RALYL: variants seen among roughly 807,000 people sequenced by gnomAD.
RALYL encodes RNA-binding Raly-like protein.
Under a neutral mutation model 35.1 loss-of-function variants are expected in RALYL, and 29 were observed. The observed-to-expected ratio is 0.83, with a 90% CI of 0.61 to 1.13. The LOEUF is 1.13. Ranked by LOEUF, RALYL falls within the 50% of genes most tolerant of loss-of-function variation. The pLI is 0.00. For synonymous variants in RALYL, 120 were observed against 127.6 expected, an observed-to-expected ratio of 0.94 and a Z score of 0.40; for missense variants, 359 against 360.4, an observed-to-expected ratio of 1.00 and a Z score of 0.03.
intron 1 of RALYL, among the ~76,000 whole-genome samples, chr8:84,386,362 C>T (rs1385694646): frequency 6.6e-6 from 1 of 151,764 alleles, no homozygotes; most frequent in East Asian, 2.0e-4. Flanking sequence ...GTTTAATTTA[C>T]TTGTTACATA....
At chr8:84,571,727 CT>C (rs1203372374) in intron 2 of RALYL, among the ~76,000 whole-genome samples, 5 of 151,536 alleles carry the variant, frequency 3.3e-5, no homozygotes. Context: ...AGATCTTTCT[CT>C]TTTTTATGTA....
At chr8:84,324,704 T>G (rs1845493828) in intron 1 of RALYL, among the ~76,000 whole-genome samples, 1 of 151,950 alleles carries the variant, frequency 6.6e-6, no homozygotes, top group Non-Finnish European at 1.5e-5. Context: ...GAATTATTAC[T>G]GCTTCCCAAA....
intron 1 of RALYL, among the ~76,000 whole-genome samples, chr8:84,218,442 A>G (rs183967795): frequency 1.3e-5 from 2 of 152,192 alleles, no homozygotes; most frequent in East Asian, 3.9e-4. Flanking sequence ...CATGCCTTCA[A>G]TTGCAAAATA....
chr8:84,524,124 T>A (rs1016901368), intron 1 of RALYL, among the ~76,000 whole-genome samples: 1 of 152,112 alleles, frequency 6.6e-6, no homozygotes, highest in Non-Finnish European at 1.5e-5. Context: ...TAGTTTACAG[T>A]CCCACCAACA....
intron 1 of RALYL, among the ~76,000 whole-genome samples, chr8:84,265,657 T>C (rs1833153820): frequency 6.8e-6 from 1 of 146,772 alleles, no homozygotes; most frequent in African/African-American, 2.4e-5. Flanking sequence ...TATACAGAAC[T>C]GTAAAATAAA....
intron 1 of RALYL, among the ~76,000 whole-genome samples, chr8:84,255,977 A>G (rs1462870621): frequency 6.6e-6 from 1 of 152,160 alleles, no homozygotes; most frequent in Non-Finnish European, 1.5e-5. Context: ...ATTTAAAAAT[A>G]TTTTGAAAGG....
chr8:84,424,108 T>C (rs973985506), intron 1 of RALYL, among the ~76,000 whole-genome samples: 32 of 152,070 alleles, frequency 2.1e-4, no homozygotes, highest in African/African-American at 7.0e-4. Flanking sequence ...CCTTGCTAGA[T>C]TGGGGAAGTT....
At chr8:84,679,413 A>G (rs1316211380) in intron 2 of RALYL, 1 of 281,622 alleles carries the variant, frequency 3.6e-6, no homozygotes, top group Non-Finnish European at 7.1e-6. Flanking sequence ...GGAGCCTCCC[A>G]AGAGTGTGCT....
At chr8:84,473,792 T>G (rs1261359455) in intron 1 of RALYL, among the ~76,000 whole-genome samples, 1 of 151,880 alleles carries the variant, frequency 6.6e-6, no homozygotes, top group Non-Finnish European at 1.5e-5. Context: ...AATAAATTAT[T>G]AATATGTTCT....
intron 1 of RALYL, among the ~76,000 whole-genome samples, chr8:84,387,524 G>A (rs1001630565): frequency 2.6e-5 from 4 of 151,884 alleles, no homozygotes; most frequent in Non-Finnish European, 4.4e-5. Context: ...CCTGCCTCCA[G>A]CTCTGCATTG....
At chr8:84,310,891 C>A (rs1563711799) in intron 1 of RALYL, among the ~76,000 whole-genome samples, 1 of 143,782 alleles carries the variant, frequency 7.0e-6, no homozygotes, top group East Asian at 2.0e-4. Context: ...ACTAAAAATA[C>A]AAAAAATTAG....
chr8:84,209,103 C>T (rs1818774074), intron 1 of RALYL, among the ~76,000 whole-genome samples: 1 of 105,844 alleles, frequency 9.4e-6, no homozygotes, highest in Non-Finnish European at 2.0e-5. Flanking sequence ...ACAAATATTG[C>T]ATAAACATCC....
At chr8:84,906,869 T>C (rs1417376556) in intron 8 of RALYL, 2 of 734,090 alleles carry the variant, frequency 2.7e-6, no homozygotes, top group Non-Finnish European at 3.3e-6. Flanking sequence ...ACAACCATGC[T>C]GCACTATCAG....
At chr8:84,224,978 C>CT (rs1419158650) in intron 1 of RALYL, among the ~76,000 whole-genome samples, 2 of 152,142 alleles carry the variant, frequency 1.3e-5, no homozygotes, top group Non-Finnish European at 2.9e-5. Flanking sequence ...TTTTAAAACA[C>CT]TTAAGCACAT....
At chr8:84,317,415 T>C (rs1433788907) in intron 1 of RALYL, among the ~76,000 whole-genome samples, 1 of 152,170 alleles carries the variant, frequency 6.6e-6, no homozygotes, top group Non-Finnish European at 1.5e-5. Context: ...TCCTTCTGCA[T>C]GATGTCAAGA....
chr8:84,577,719 A>G (rs1245378946), intron 2 of RALYL, among the ~76,000 whole-genome samples: 1 of 152,186 alleles, frequency 6.6e-6, no homozygotes, highest in African/African-American at 2.4e-5. Context: ...GTGAGAAAAT[A>G]TAAATTATAT....
intron 2 of RALYL, among the ~76,000 whole-genome samples, chr8:84,709,401 G>T (rs1841771642): frequency 6.6e-6 from 1 of 151,904 alleles, no homozygotes; most frequent in African/African-American, 2.4e-5. Flanking sequence ...GTATAATGAA[G>T]AAAAATATAT....
At chr8:84,491,831 A>G (rs1303684279) in intron 1 of RALYL, among the ~76,000 whole-genome samples, 1 of 151,938 alleles carries the variant, frequency 6.6e-6, no homozygotes, top group Non-Finnish European at 1.5e-5. Context: ...CTAAATTGAG[A>G]AGGAAGTTGT....
At chr8:84,677,017 G>C (rs1434935446) in intron 2 of RALYL, among the ~76,000 whole-genome samples, 1 of 152,064 alleles carries the variant, frequency 6.6e-6, no homozygotes, top group African/African-American at 2.4e-5. Context: ...GGCCAGGCTG[G>C]TCTCGAACTC....
Sources: gnomAD v4.1 joint callset for allele counts (sites outside exome capture counted in the v4.1 genomes callset) on GRCh38, gnomAD v4.1.1 for gene constraint, MANE v1.5 for transcripts, NCBI Gene and HGNC (gene_info 2026-07-23, HGNC 2026-07-21) for gene names.